The following CASR variants were observed in gnomAD, a reference collection of about 807,000 sequenced individuals.
The protein encoded by CASR is extracellular calcium-sensing receptor.
A neutral mutation model predicts 69.1 loss-of-function variants in CASR; 23 were observed. The ratio of observed to expected loss-of-function variants is 0.33; its 90% CI spans 0.24 to 0.47. The LOEUF (loss-of-function observed/expected upper bound fraction) is 0.47. CASR is among the 20% of genes least tolerant of loss of function. CASR has a pLI of 1.00. For synonymous variants in CASR, 541 were observed against 544.7 expected, an observed-to-expected ratio of 0.99 and a Z score of 0.10; for missense variants, 924 against 1,356.1, an observed-to-expected ratio of 0.68 and a Z score of 5.00.
At chr3:122,200,769 C>T (rs949198983) in intron 1 of CASR, among the ~76,000 whole-genome samples, 14 of 152,058 alleles carry the variant, frequency 9.2e-5, no homozygotes, top group African/African-American at 3.1e-4. Flanking sequence ...AACATTTATG[C>T]TTATTAGACA....
chr3:122,238,026 TC>T (rs1364787858), intron 1 of CASR, among the ~76,000 whole-genome samples: 1 of 151,826 alleles, frequency 6.6e-6, no homozygotes, highest in Non-Finnish European at 1.5e-5. Flanking sequence ...CACTGATGGC[TC>T]CCCCCTGCAG....
intron 1 of CASR, among the ~76,000 whole-genome samples, chr3:122,227,293 A>G (rs7627484): frequency 0.99 from 150,544 of 152,134 alleles, 74,502 homozygotes; most frequent in Non-Finnish European, 1. Flanking sequence ...CTCCCGCCAC[A>G]CAGGAGCCCA....
intron 1 of CASR, among the ~76,000 whole-genome samples, chr3:122,237,863 A>T (rs2074343967): frequency 6.6e-6 from 1 of 152,188 alleles, no homozygotes. Flanking sequence ...ACTTTGGAAA[A>T]CTTTTTGGTA....
Position 122,286,468 on chromosome 3 carries a change from G to A in CASR, c.*1277G>A, listed in dbSNP as rs977635316. On this transcript the variant is annotated 3_prime_UTR_variant, in exon 7 of 7. Coordinates refer to ENST00000639785, the MANE Select transcript of CASR (RefSeq NM_000388.4). ...TAGCCTGGTACCTAGCACACAATAA[G>A]CATTCAATAAATATTAGTTAATATT... 3.3e-5 allele frequency: 5 copies of A among 152,162 alleles called. No homozygotes were observed. The highest frequency in any genetic ancestry group is 4.8e-5 in the African/African-American group (2 of 41,436). The allele number at this position is 152,162 out of a possible 1,614,324, so 9.4% of individuals were successfully genotyped here. A position where few individuals can be genotyped will look rare whatever the true frequency, so the allele number is the denominator to read the frequency against.
At chr3:122,209,185 G>A (rs1436722126) in intron 1 of CASR, among the ~76,000 whole-genome samples, 1 of 152,028 alleles carries the variant, frequency 6.6e-6, no homozygotes, top group Admixed American at 6.6e-5. Flanking sequence ...GATGCTGCTG[G>A]TCCTAGAGTC....
At chr3:122,266,858 G>A (rs955630740) in intron 4 of CASR, among the ~76,000 whole-genome samples, 1 of 152,076 alleles carries the variant, frequency 6.6e-6, no homozygotes, top group African/African-American at 2.4e-5. Context: ...CAAAAAATTA[G>A]CCGGGTGTGG....
intron 1 of CASR, among the ~76,000 whole-genome samples, chr3:122,244,414 T>C (rs1444058161): frequency 2.7e-5 from 4 of 150,754 alleles, no homozygotes; most frequent in Non-Finnish European, 5.9e-5. Flanking sequence ...AGGTAACGTG[T>C]GGTAGAATCA....
chr3:122,274,743 C>T (rs1443767995), intron 4 of CASR, among the ~76,000 whole-genome samples: 3 of 151,870 alleles, frequency 2.0e-5, no homozygotes, highest in Non-Finnish European at 4.4e-5. Context: ...CTCTACAAAA[C>T]CAAAAAAAAA....
In CASR at chr3:122,291,300, G is replaced by A. The variant is rs1273532981; in HGVS notation, c.*6109G>A. 2.7e-5 allele frequency: 4 copies of A among 150,902 alleles called. No homozygotes were observed. The highest frequency in any genetic ancestry group is 4.4e-5 in the Non-Finnish European group (3 of 67,786). The allele number at this position is 150,902 out of a possible 1,614,324, so 9.3% of individuals were successfully genotyped here. The stretch of plus-strand genomic sequence containing the variant: ...TCTAGTTCTAGATCCCTGAGGAATC[G>A]CCACACTGACTTCCACAATGGTTGA... On this transcript the variant is annotated 3_prime_UTR_variant, in exon 7 of 7. Transcript: ENST00000639785.
chr3:122,185,666 A>C (rs528081223), intron 1 of CASR, among the ~76,000 whole-genome samples: 2 of 152,328 alleles, frequency 1.3e-5, no homozygotes, highest in South Asian at 4.1e-4. Flanking sequence ...GAACTTCATC[A>C]GTCACACCTT....
At chr3:122,273,778 G>A (rs2074785285) in intron 4 of CASR, among the ~76,000 whole-genome samples, 1 of 152,190 alleles carries the variant, frequency 6.6e-6, no homozygotes, top group Non-Finnish European at 1.5e-5. Flanking sequence ...GAGCAATGTG[G>A]GAGTGAGGGC....
At chr3:122,253,907 T>C (rs1344365784) in intron 1 of CASR, 41 bp from the exon 2 acceptor site, 1 of 447,528 alleles carries the variant, frequency 2.2e-6, no homozygotes, top group Non-Finnish European at 4.1e-6. Flanking sequence ...AAGATGGGAT[T>C]GAGGTTTAGC....
intron 3 of CASR, among the ~76,000 whole-genome samples, chr3:122,257,847 C>G (rs1344866992): frequency 6.6e-6 from 1 of 152,184 alleles, no homozygotes; most frequent in Non-Finnish European, 1.5e-5. Context: ...CATATTTTCT[C>G]ACAAAACAGG....
At chr3:122,264,852 C>CA (rs2074671512) in intron 4 of CASR, among the ~76,000 whole-genome samples, 1 of 152,178 alleles carries the variant, frequency 6.6e-6, no homozygotes, top group Admixed American at 6.5e-5. Flanking sequence ...AATCAACTAG[C>CA]AATTATTCAT....
intron 4 of CASR, among the ~76,000 whole-genome samples, chr3:122,274,620 G>A (rs1256261366): frequency 6.6e-6 from 1 of 152,220 alleles, no homozygotes; most frequent in Non-Finnish European, 1.5e-5. Context: ...AATGATAAAT[G>A]GCTGGGCGCA....
chr3:122,187,680 G>T (rs936057929), intron 1 of CASR, among the ~76,000 whole-genome samples: 1 of 152,172 alleles, frequency 6.6e-6, no homozygotes, highest in African/African-American at 2.4e-5. Flanking sequence ...GAAAGATGAG[G>T]AGTGACACCA....
chr3:122,274,118 A>C (rs1162783992), intron 4 of CASR, among the ~76,000 whole-genome samples: 1 of 152,182 alleles, frequency 6.6e-6, no homozygotes, highest in African/African-American at 2.4e-5. Flanking sequence ...TTTTTTGAGG[A>C]TGGCTCAGCA....
At chr3:122,266,235 TA>T (rs2074692285) in intron 4 of CASR, among the ~76,000 whole-genome samples, 2 of 144,568 alleles carry the variant, frequency 1.4e-5, no homozygotes, top group Admixed American at 7.2e-5. Flanking sequence ...TAAAATCTTT[TA>T]GGGGAAATAC....
rs372949665 is a variant in CASR at position 122,228,718 on chromosome 3, C to T, written c.-242-25230C>T. On this transcript the variant is annotated intron_variant, in intron 1 of 6. Transcript: ENST00000639785. ...ACACTTACATGTGTTAGTACAACAA[C>T]CCTGTGAGGTAAGGCTTATCCCCCA... 5.3e-5 allele frequency among the ~76,000 whole-genome samples: 8 copies of T among 152,276 alleles called. No individual in the cohort carries two copies. The East Asian group carries it at 1.3e-3, about 26-fold the overall frequency.
Sources: allele counts gnomAD v4.1 joint callset (sites outside exome capture counted in the v4.1 genomes callset), GRCh38; gene constraint gnomAD v4.1.1; transcripts MANE v1.5; gene names NCBI Gene and HGNC (gene_info 2026-07-23, HGNC 2026-07-21).